MYPN: variants seen among roughly 807,000 people sequenced by gnomAD.
MYPN encodes myopalladin.
A neutral mutation model predicts 129.4 loss-of-function variants in MYPN; 63 were observed. The ratio of observed to expected loss-of-function variants is 0.49; its 90% CI spans 0.40 to 0.60. The LOEUF is 0.60. Among genes scored for constraint, MYPN ranks in the 20% least tolerant of loss-of-function variants. The probability of loss-of-function intolerance (pLI) is 0.00; values close to 1 mark genes in which losing one functional copy is unlikely to be tolerated. For synonymous variants in MYPN, 629 were observed against 600.9 expected (o/e 1.05, Z -0.68); for missense variants, 1,596 against 1,635.4 (o/e 0.98, Z 0.42).
chr10:68,158,592 T>C lies in MYPN; in HGVS notation c.1424T>C (p.Ile475Thr), dbSNP rs754505802. The C allele has an allele frequency of 1.3e-6, 2 of 1,599,480 alleles. No individual in the cohort carries two copies. The highest frequency in any genetic ancestry group is 1.7e-6 in the Non-Finnish European group (2 of 1,166,954). Residue 475 changes from isoleucine to threonine, a missense_variant, in exon 7 of 20, where the codon ATA (isoleucine) becomes ACA (threonine). By Grantham distance (89) the Ile-to-Thr change is moderately conservative (BLOSUM62 -1). Transcript: ENST00000358913. ...KVEWYREGTLIEDSPDFRILQ... is the reference protein window; with the variant it reads ...KVEWYREGTLTEDSPDFRILQ... ...GAGTGGTATAGAGAAGGGACTTTAATAGAAGATTCTCCAGATTTTAGGATT... is the reference window on the plus strand; with the variant it reads ...GAGTGGTATAGAGAAGGGACTTTAACAGAAGATTCTCCAGATTTTAGGATT...
intron 1 of MYPN, among the ~76,000 whole-genome samples, chr10:68,096,290 T>G (rs930719641): frequency 2.6e-5 from 4 of 152,166 alleles, no homozygotes; most frequent in Non-Finnish European, 4.4e-5. Flanking sequence ...TTCTCATATG[T>G]GAAACATGAG....
intron 12 of MYPN, among the ~76,000 whole-genome samples, chr10:68,181,440 C>A (rs2043311444): frequency 6.6e-6 from 1 of 152,058 alleles, no homozygotes; most frequent in Non-Finnish European, 1.5e-5. Context: ...CAGGTGCTCG[C>A]CACCATGCCT....
At chr10:68,127,254 C>T (rs530840579) in intron 2 of MYPN, among the ~76,000 whole-genome samples, 2 of 151,598 alleles carry the variant, frequency 1.3e-5, no homozygotes, top group Non-Finnish European at 2.9e-5. Flanking sequence ...ATCCACCTCC[C>T]TTGCCCTCCC....
At chr10:68,202,961 A>G (rs1589615535) in intron 18 of MYPN, among the ~76,000 whole-genome samples, 1 of 152,336 alleles carries the variant, frequency 6.6e-6, no homozygotes, top group East Asian at 1.9e-4. Flanking sequence ...TAACAATGCA[A>G]TATGTTAAAC....
At chr10:68,097,013 T>C (rs1008435325) in intron 1 of MYPN, among the ~76,000 whole-genome samples, 1 of 152,242 alleles carries the variant, frequency 6.6e-6, no homozygotes, top group Non-Finnish European at 1.5e-5. Flanking sequence ...TAAAGAAGGA[T>C]TGTTTGATAC....
intron 12 of MYPN, among the ~76,000 whole-genome samples, chr10:68,181,084 G>GA (rs1341042501): frequency 6.6e-6 from 1 of 152,048 alleles, no homozygotes; most frequent in African/African-American, 2.4e-5. Context: ...GATTTACACA[G>GA]AAAAAATATT....
At chr10:68,156,575 T>C (rs1439306214) in intron 6 of MYPN, among the ~76,000 whole-genome samples, 2 of 152,228 alleles carry the variant, frequency 1.3e-5, no homozygotes, top group East Asian at 3.8e-4. Flanking sequence ...GCCTCCTGGC[T>C]GTCACAATAT....
chr10:68,106,676 T>C, upstream of MYPN: 1 of 714,564 alleles, frequency 1.4e-6, no homozygotes, highest in South Asian at 1.5e-5. Context: ...TATAAAAAAA[T>C]AGCAAATGCA....
intron 10 of MYPN, 40 bp from the exon 11 acceptor site, chr10:68,174,026 C>A: frequency 6.8e-7 from 1 of 1,471,318 alleles, no homozygotes; most frequent in Non-Finnish European, 9.5e-7. Flanking sequence ...CCAATAATAA[C>A]ACATTTCCTT....
Position 68,193,892 on chromosome 10 carries a change from C to A in MYPN, c.2926-471C>A, listed in dbSNP as rs147787571. ...AAATTTAGCAAGTTAATCCTAGCCT[C>A]ATTCCATTTAGTGTAACAAACCATA... On this transcript the variant is annotated intron_variant, in intron 13 of 19. Transcript: ENST00000358913. 6.7e-4 allele frequency among the ~76,000 whole-genome samples: 102 copies of A among 152,160 alleles called. 1 individual carries two copies. The East Asian group carries it at 0.018, about 27-fold the overall frequency.
intron 15 of MYPN, among the ~76,000 whole-genome samples, chr10:68,196,577 G>A (rs1008442753): frequency 1.4e-5 from 2 of 140,244 alleles, no homozygotes; most frequent in South Asian, 4.6e-4. Context: ...TCCACCTTCC[G>A]GGCTCAAGTG....
At chr10:68,171,088 G>C (rs1327645117) in intron 10 of MYPN, among the ~76,000 whole-genome samples, 2 of 150,444 alleles carry the variant, frequency 1.3e-5, no homozygotes, top group African/African-American at 4.9e-5. Flanking sequence ...GGCAGAGGTT[G>C]CAGTGAGCTG....
intron 12 of MYPN, 48 bp downstream of exon 12, chr10:68,175,509 A>T: frequency 6.2e-7 from 1 of 1,607,652 alleles, no homozygotes; most frequent in Non-Finnish European, 8.5e-7. Context: ...ATTGTAAGGA[A>T]TTTAATTTTG....
intron 16 of MYPN, 113 bp downstream of exon 16, chr10:68,197,591 G>A (rs2043632103): frequency 1.5e-6 from 2 of 1,330,660 alleles, no homozygotes. Flanking sequence ...AAGATGAGAT[G>A]GGGAAGGGAG....
rs777875865 is a variant in MYPN at position 68,201,879 on chromosome 10, G to A, written c.3544G>A (p.Gly1182Ser). 15 of 1,614,032 alleles carry A rather than the reference G, an allele frequency of 9.3e-6. No homozygotes were observed. The highest frequency in any genetic ancestry group is 5.5e-5 in the South Asian group (5 of 91,090). ...GATCCTGGAGAAACTACAGAACTGC[G>A]GTGTTCCCGAAGGCCACCCCGTGAG... is the stretch of plus-strand genomic sequence containing the variant. Reference protein sequence around the residue: ...PVILEKLQNCGVPEGHPVRLE... With the variant: ...PVILEKLQNCSVPEGHPVRLE... The change falls in exon 18 of 20, where the codon GGT becomes AGT. Residue 1182 changes from glycine (G) to serine (S), a missense_variant. Physicochemically the swap from Gly to Ser is moderately conservative, Grantham distance 56 (BLOSUM62 0). Transcript: ENST00000358913.
At chr10:68,199,639 A>G in intron 17 of MYPN, 64 bp downstream of exon 17, 1 of 1,507,526 alleles carries the variant, frequency 6.6e-7, no homozygotes, top group Non-Finnish European at 9.2e-7. Flanking sequence ...AAAGAGGCAG[A>G]GCCTCTGCCA....
intron 6 of MYPN, among the ~76,000 whole-genome samples, chr10:68,156,873 T>G (rs1467632810): frequency 2.0e-5 from 3 of 152,226 alleles, no homozygotes; most frequent in Admixed American, 6.5e-5. Context: ...ATTTGTTGCT[T>G]ACAGAGTTTG....
chr10:68,171,345 C>G (rs970452334), intron 10 of MYPN, among the ~76,000 whole-genome samples: 6 of 152,118 alleles, frequency 3.9e-5, no homozygotes, highest in African/African-American at 1.4e-4. Context: ...GGCAGCAGTT[C>G]TCAGTCCTGG....
intron 6 of MYPN, among the ~76,000 whole-genome samples, chr10:68,157,097 C>A (rs2042888518): frequency 6.6e-6 from 1 of 152,180 alleles, no homozygotes; most frequent in African/African-American, 2.4e-5. Context: ...GAGTCTAATA[C>A]AGAATACACT....
Sources: gnomAD v4.1 joint callset for allele counts (sites outside exome capture counted in the v4.1 genomes callset) on GRCh38, gnomAD v4.1.1 for gene constraint, MANE v1.5 for transcripts, NCBI Gene and HGNC (gene_info 2026-07-23, HGNC 2026-07-21) for gene names.